Variants in CORO6 observed in about 807,000 individuals in gnomAD.
CORO6 encodes coronin 6, also known as coronin-6.
In CORO6, 43 loss-of-function variants were observed where a neutral mutation model predicts 49.0. That is an observed-to-expected ratio of 0.88 (90% confidence interval 0.69 to 1.13). The LOEUF is 1.13. Among genes scored for constraint, CORO6 ranks in the 50% most tolerant of loss-of-function variants. The pLI is 0.00. For missense variants in CORO6, 650 were observed against 647.0 expected (o/e 1.00, Z -0.05); for synonymous variants, 233 against 256.5 (o/e 0.91, Z 0.88).
intron 5 of CORO6, 89 bp downstream of exon 5, chr17:29,618,700 AC>A (rs2035140578): frequency 1.3e-6 from 2 of 1,487,478 alleles, no homozygotes; most frequent in South Asian, 2.6e-5. Context: ...GAAAGCCGGG[AC>A]CAGGGGCTCT....
Position 29,615,782 on chromosome 17 carries a change from T to C in CORO6, c.1369A>G (p.Ile457Val). 6.4e-7 allele frequency: 1 copy of C among 1,558,102 alleles called. No homozygotes were observed. Among genetic ancestry groups the C allele is most frequent in the Non-Finnish European group, 8.7e-7 (1 of 1,151,796 alleles). Reference protein sequence around the residue: ...RERVQAQEQRITALENMLCEL... With the variant: ...RERVQAQEQRVTALENMLCEL... ...CACAGCATGTTCTCCAGAGCCGTGA[T>C]GCGCTGCTCCTGGGCCTGCACCCGC... Residue 457 changes from isoleucine (I) to valine (V), a missense_variant, in exon 11 of 11, where the codon ATC (isoleucine) becomes GTC (valine). By Grantham distance (29) the Ile-to-Val change is conservative (BLOSUM62 3). Coordinates refer to ENST00000388767, the MANE Select transcript of CORO6 (RefSeq NM_032854.4).
chr17:29,619,490 G>C (rs1174168391), intron 3 of CORO6, among the ~76,000 whole-genome samples, 161 bp downstream of exon 3: 2 of 152,170 alleles, frequency 1.3e-5, no homozygotes, highest in East Asian at 3.9e-4. Flanking sequence ...TCCTGGGAGG[G>C]GGTGGGCATG....
At chr17:29,618,274 G>C in intron 5 of CORO6, 1 of 1,309,350 alleles carries the variant, frequency 7.6e-7, no homozygotes, top group Non-Finnish European at 9.7e-7. Context: ...CGCACCCCAG[G>C]TTAGACTTGA....
In CORO6 at chr17:29,616,071, A is replaced by G; in HGVS notation, c.1167T>C (p.Ile389=). The G allele has an allele frequency of 6.2e-7, 1 of 1,612,934 alleles. No individual in the cohort carries two copies. Among genetic ancestry groups the G allele is most frequent in the South Asian group, 1.1e-5 (1 of 91,062 alleles). Residue 389 remains isoleucine, a synonymous_variant, in exon 10 of 11, where the codon ATT becomes ATC. Coordinates refer to ENST00000388767, the MANE Select transcript of CORO6 (RefSeq NM_032854.4). The surrounding 1 kb of genome is among the most constrained non-coding windows in gnomAD (Gnocchi z 5.6). ...GGGGCACATAGCCGTCCCTCAGCGA[A>G]ATGAGCACGGGTTCGGCGTCCTGGC... ...LSGQDAEPVL[I]SLRDGYVPPK...
Position 29,617,034 on chromosome 17 carries a change from G to C in CORO6, c.762C>G (p.Phe254Leu). The change falls in exon 7 of 11, where the codon TTC (phenylalanine) becomes TTG (leucine). Residue 254 changes from phenylalanine (F) to leucine (L), a missense_variant. Phe to Leu is a conservative substitution (Grantham distance 22). Transcript: ENST00000388767. The stretch of plus-strand genomic sequence containing the variant: ...TCTCCTGCAGTGCCACTGGCTCCTC[G>C]AAGTTGTTCTGCCCGAGCACAGGAG... ...RELGLWDPNN[F>L]EEPVALQEMD... The C allele has an allele frequency of 3.7e-6, 6 of 1,613,460 alleles. No individual in the cohort carries two copies. The highest frequency in any genetic ancestry group is 5.1e-6 in the Non-Finnish European group (6 of 1,179,990).
rs1039891126 is a variant in CORO6, at chr17:29,615,749, C to T, written c.1402G>A (p.Val468Met). Residue 468 changes from valine to methionine, a missense_variant, in exon 11 of 11, where the codon GTG (valine) becomes ATG (methionine). By Grantham distance (21) the Val-to-Met change is conservative. Transcript: ENST00000388767. ...TALENMLCELVDGTD is the reference protein window; with the variant it reads ...TALENMLCELMDGTD ...GCGCGGGGCTAGTCCGTGCCGTCCA[C>T]CAGCTCGCACAGCATGTTCTCCAGA... The T allele has an allele frequency of 1.3e-5, 20 of 1,547,442 alleles. No homozygotes were observed. The African/African-American group carries it at 1.9e-4, about 15-fold the overall frequency.
rs747764203 is a variant in CORO6 at position 29,621,241 on chromosome 17, C to T, written c.181G>A (p.Val61Ile). Reference protein sequence around the residue: ...VEAGGGGAFIVLPLAKTGRVD... With the variant: ...VEAGGGGAFIILPLAKTGRVD... ...TCCCTCACCTTGGCCAGAGGCAGGA[C>T]GATGAAGGCACCCCCGCCTCCAGCC... Residue 61 changes from valine to isoleucine, a missense_variant, in exon 2 of 11, where the codon GTC becomes ATC. Coordinates refer to ENST00000388767, the MANE Select transcript of CORO6 (RefSeq NM_032854.4). The surrounding 1 kb of genome is among the most constrained non-coding windows in gnomAD (Gnocchi z 4.2). 1.1e-5 allele frequency: 17 copies of T among 1,613,918 alleles called. No homozygotes were observed. Among genetic ancestry groups the T allele is most frequent in the African/African-American group, 8.0e-5 (6 of 74,892 alleles).
intron 5 of CORO6, 114 bp downstream of exon 5, chr17:29,618,676 G>C (rs777387291): frequency 2.3e-4 from 335 of 1,450,480 alleles, no homozygotes; most frequent in Non-Finnish European, 2.8e-4. Context: ...CTCTGGAGCA[G>C]GGATGCGACA....
chr17:29,615,725 C>T lies in CORO6; in HGVS notation c.*7G>A, dbSNP rs2034828149. ...CCCGCCCCGCTCCGCCTGCCTGGCGCGCGGGGCTAGTCCGTGCCGTCCACC... is the reference window on the plus strand; with the variant it reads ...CCCGCCCCGCTCCGCCTGCCTGGCGTGCGGGGCTAGTCCGTGCCGTCCACC... On this transcript the variant is annotated 3_prime_UTR_variant, in exon 11 of 11. Transcript: ENST00000388767. The T allele has an allele frequency of 6.7e-7, 1 of 1,498,808 alleles. No individual in the cohort carries two copies. 92.8% of individuals were successfully genotyped at this position (1,498,808 alleles called of 1,614,324 possible).
chr17:29,621,154 C>A lies in CORO6; in HGVS notation c.198+70G>T. The A allele has an allele frequency of 6.3e-7, 1 of 1,582,372 alleles. No individual in the cohort carries two copies. Among genetic ancestry groups the A allele is most frequent in the Non-Finnish European group, 8.6e-7 (1 of 1,158,950 alleles). On this transcript the variant is annotated intron_variant, in intron 2 of 10. Transcript: ENST00000388767. The surrounding 1 kb of genome is among the most constrained non-coding windows in gnomAD (Gnocchi z 4.2). ...ACTATGGAATGGAACTAGGTGAGAA[C>A]AAAGGCTCAGGAGTTCCCAGGGGCC...
In CORO6 at chr17:29,615,698, G is replaced by T; in HGVS notation, c.*34C>A. ...AGCCGGGGCGGGGCCGAGCTTGTGC[G>T]CCCCGCCCCGCTCCGCCTGCCTGGC... On this transcript the variant is annotated 3_prime_UTR_variant, in exon 11 of 11. Transcript: ENST00000388767. 6.8e-7 allele frequency: 1 copy of T among 1,468,294 alleles called. No homozygotes were observed. Among genetic ancestry groups the T allele is most frequent in the Non-Finnish European group, 9.0e-7 (1 of 1,114,200 alleles). 91.0% of individuals were successfully genotyped at this position (1,468,294 alleles called of 1,614,324 possible).
At position 29,616,085 on chromosome 17, in the gene CORO6, C is replaced by G. The variant is rs1334115169; in HGVS notation, c.1153G>C (p.Glu385Gln). The change falls in exon 10 of 11, where the codon GAA becomes CAA. Residue 385 changes from glutamate (E) to glutamine (Q), a missense_variant. Physicochemically the swap from Glu to Gln is conservative, Grantham distance 29 (BLOSUM62 2). Coordinates refer to ENST00000388767, the MANE Select transcript of CORO6 (RefSeq NM_032854.4). This position sits in a 1 kb window ranked among gnomAD's most constrained non-coding sequence, Gnocchi z 5.6. ...ADEWLSGQDAEPVLISLRDGY... is the reference protein window; with the variant it reads ...ADEWLSGQDAQPVLISLRDGY... ...TCCCTCAGCGAAATGAGCACGGGTT[C>G]GGCGTCCTGGCCGGATAGCCATTCG... 1.9e-6 allele frequency: 3 copies of G among 1,613,018 alleles called. No homozygotes were observed. The South Asian group carries it at 3.3e-5, about 18-fold the overall frequency.
At chr17:29,617,464 C>T in intron 6 of CORO6, 36 bp downstream of exon 6, 1 of 1,583,772 alleles carries the variant, frequency 6.3e-7, no homozygotes. Flanking sequence ...GATGCCAGTC[C>T]CCGAGGCACA....
At position 29,619,182 on chromosome 17, in the gene CORO6, T is replaced by A. The variant is rs2035175573; in HGVS notation, c.329A>T (p.Gln110Leu). ...GCGCATGGGGGTATAGTCTGGAATC[T>A]GCCACACCTGGGTAGGAAGAAAAGG... is the stretch of plus-strand genomic sequence containing the variant. ...ASDDTTIMVW[Q>L]IPDYTPMRNI... Residue 110 changes from glutamine (Q) to leucine (L), a missense_variant, in exon 4 of 11, where the codon CAG becomes CTG. Physicochemically the swap from Gln to Leu is moderately radical, Grantham distance 113. Coordinates refer to ENST00000388767, the MANE Select transcript of CORO6 (RefSeq NM_032854.4). The A allele has an allele frequency of 6.2e-7, 1 of 1,613,450 alleles. No individual in the cohort carries two copies. The highest frequency in any genetic ancestry group is 1.3e-5 in the African/African-American group (1 of 74,878).
chr17:29,621,769 A>C lies in CORO6; in HGVS notation c.-63-285T>G. 1 of 294,400 alleles carries C rather than the reference A, an allele frequency of 3.4e-6. No individual in the cohort carries two copies. The highest frequency in any genetic ancestry group is 4.4e-5 in the Admixed American group (1 of 22,554). The allele number at this position is 294,400 out of a possible 1,614,324, so 18.2% of individuals were successfully genotyped here. ...TTTTTGGGAGGAGCCTCAATGCCACACTGCCTGCACCCCCCGCCCCCACCA... is the reference window on the plus strand; with the variant it reads ...TTTTTGGGAGGAGCCTCAATGCCACCCTGCCTGCACCCCCCGCCCCCACCA... On this transcript the variant is annotated intron_variant, in intron 1 of 10. Transcript: ENST00000388767. The surrounding 1 kb of genome is among the most constrained non-coding windows in gnomAD (Gnocchi z 4.2).
In CORO6 at chr17:29,616,615, C is replaced by T; in HGVS notation, c.1004+87G>A. ...CCCGCCCCGCTTTTCCAAAGCACTG[C>T]ATTACTGGGGAAGCCCCGTGGCTAG... On this transcript the variant is annotated intron_variant, in intron 8 of 10. Coordinates refer to ENST00000388767, the MANE Select transcript of CORO6 (RefSeq NM_032854.4). This position sits in a 1 kb window ranked among gnomAD's most constrained non-coding sequence, Gnocchi z 5.6. The T allele has an allele frequency of 6.5e-7, 1 of 1,540,666 alleles. No individual in the cohort carries two copies. Among genetic ancestry groups the T allele is most frequent in the Non-Finnish European group, 8.9e-7 (1 of 1,127,612 alleles).
Position 29,617,011 on chromosome 17 carries a change from T to G in CORO6, c.785A>C (p.Glu262Ala). Residue 262 changes from glutamate (E) to alanine (A), a missense_variant, in exon 7 of 11, where the codon GAG becomes GCG. Transcript: ENST00000388767. ...TAGGACCCCGTTGCTTGTGTCCATC[T>G]CCTGCAGTGCCACTGGCTCCTCGAA... ...NNFEEPVALQ[E>A]MDTSNGVLLP... 1 of 1,613,722 alleles carries G rather than the reference T, an allele frequency of 6.2e-7. No individual in the cohort carries two copies. Among genetic ancestry groups the G allele is most frequent in the Non-Finnish European group, 8.5e-7 (1 of 1,180,020 alleles).
Position 29,619,050 on chromosome 17 carries a change from G to A in CORO6, c.451+10C>T. ...CCCATCTATGGGGGACCCCTCCTTA[G>A]CCCCCAGACCTGCACTGAGCAGGAC... On this transcript the variant is annotated intron_variant, in intron 4 of 10. Transcript: ENST00000388767. 1 of 1,612,190 alleles carries A rather than the reference G, an allele frequency of 6.2e-7. No homozygotes were observed. Among genetic ancestry groups the A allele is most frequent in the Non-Finnish European group, 8.5e-7 (1 of 1,178,778 alleles).
In CORO6 at chr17:29,621,691, G is replaced by T; in HGVS notation, c.-63-207C>A. 3.9e-6 allele frequency: 2 copies of T among 517,358 alleles called. No homozygotes were observed. Among genetic ancestry groups the T allele is most frequent in the South Asian group, 2.2e-5 (1 of 44,780 alleles). 32.0% of individuals were successfully genotyped at this position (517,358 alleles called of 1,614,324 possible). A position where few individuals can be genotyped will look rare whatever the true frequency, so the allele number is the denominator to read the frequency against. Reference sequence around the variant, plus strand: ...GCCTGAATTCTCCACAGAGACCCAGGCTGAGGGGATTGTGGAGCCTAACAG... The same window carrying T: ...GCCTGAATTCTCCACAGAGACCCAGTCTGAGGGGATTGTGGAGCCTAACAG... On this transcript the variant is annotated intron_variant, in intron 1 of 10. Coordinates refer to ENST00000388767, the MANE Select transcript of CORO6 (RefSeq NM_032854.4). This position sits in a 1 kb window ranked among gnomAD's most constrained non-coding sequence, Gnocchi z 4.2.
Sources: gnomAD v4.1 joint callset for allele counts (sites outside exome capture counted in the v4.1 genomes callset) on GRCh38, gnomAD v4.1.1 for gene constraint, Gnocchi (gnomAD v3.1) non-coding constraint, MANE v1.5 for transcripts, NCBI Gene and HGNC (gene_info 2026-07-23, HGNC 2026-07-21) for gene names.